Variants in ATG4C observed in about 807,000 individuals in gnomAD.
ATG4C encodes the protein autophagy related 4C cysteine peptidase.
A neutral mutation model predicts 57.6 loss-of-function variants in ATG4C; 56 were observed. The observed-to-expected ratio is 0.97, with a 90% CI of 0.78 to 1.21. ATG4C has a LOEUF of 1.21. ATG4C is among the 50% of genes most tolerant of loss of function. The pLI, the probability that ATG4C is intolerant of heterozygous loss-of-function variation, is 0.00. For missense variants in ATG4C, 595 were observed against 529.8 expected, an observed-to-expected ratio of 1.12 and a Z score of -1.21; for synonymous variants, 157 against 174.1, an observed-to-expected ratio of 0.90 and a Z score of 0.78.
At chr1:62,850,793 A>G (rs1666480798) in intron 10 of ATG4C, among the ~76,000 whole-genome samples, 1 of 146,538 alleles carries the variant, frequency 6.8e-6, no homozygotes, top group Non-Finnish European at 1.5e-5. Context: ...CTTAGCACAT[A>G]TCACTATACA....
intron 6 of ATG4C, among the ~76,000 whole-genome samples, chr1:62,825,542 T>A (rs1187608192): frequency 1.3e-5 from 2 of 152,114 alleles, no homozygotes; most frequent in South Asian, 2.1e-4. Context: ...CCTTTAGACT[T>A]CATCTCATCT....
At chr1:62,835,241 C>T (rs1665962914) in intron 9 of ATG4C, 2 of 211,692 alleles carry the variant, frequency 9.4e-6, no homozygotes, top group Non-Finnish European at 2.0e-5. Context: ...AACAAAGCGA[C>T]TTAATGCGGT....
At chr1:62,820,088 A>G (rs946844984) in intron 5 of ATG4C, among the ~76,000 whole-genome samples, 1 of 152,098 alleles carries the variant, frequency 6.6e-6, no homozygotes, top group South Asian at 2.1e-4. Context: ...ACATGCTTCT[A>G]TATTTTATAG....
At chr1:62,795,873 A>G (rs1285184516) in intron 1 of ATG4C, among the ~76,000 whole-genome samples, 1 of 151,946 alleles carries the variant, frequency 6.6e-6, no homozygotes, top group Non-Finnish European at 1.5e-5. Flanking sequence ...ATAATTTCTC[A>G]TAGTTTTTAA....
chr1:62,803,142 G>A lies in ATG4C; in HGVS notation c.-68-577G>A, dbSNP rs558727003. ...CTATTTTAAAGTAAGAACATTTTCCGTTATAAATTTAAGCCGTTCTGTTTG... is the reference window on the plus strand; with the variant it reads ...CTATTTTAAAGTAAGAACATTTTCCATTATAAATTTAAGCCGTTCTGTTTG... On this transcript the variant is annotated intron_variant, in intron 1 of 10. Coordinates refer to ENST00000317868, the MANE Select transcript of ATG4C (RefSeq NM_032852.4). Among the ~76,000 whole-genome samples the A allele has an allele frequency of 1.3e-4, 20 of 152,174 alleles. No individual in the cohort carries two copies. In the South Asian group the frequency reaches 3.5e-3, roughly 27 times the overall value.
rs757638400 is a variant in ATG4C, at chr1:62,816,649, T to C, written c.235T>C (p.Phe79Leu). The C allele has an allele frequency of 8.5e-5, 137 of 1,613,774 alleles. No individual in the cohort carries two copies. The Middle Eastern group carries it at 9.9e-4, about 12-fold the overall frequency. ...CGTAATTGCAGGAAATGTAGAAGAA[T>C]TTCGTAAAGATTTCATTTCTAGAAT... ...DHVIAGNVEE[F>L]RKDFISRIWL... The change falls in exon 4 of 11, where the codon TTT (phenylalanine) becomes CTT (leucine). Residue 79 changes from phenylalanine to leucine, a missense_variant. Physicochemically the swap from Phe to Leu is conservative, Grantham distance 22. Transcript: ENST00000317868.
chr1:62,820,165 T>G (rs7515756), intron 5 of ATG4C, among the ~76,000 whole-genome samples: 8 of 152,080 alleles, frequency 5.3e-5, no homozygotes, highest in Middle Eastern at 3.2e-3. Context: ...AATATATCAA[T>G]TCCAACTTGG....
intron 6 of ATG4C, among the ~76,000 whole-genome samples, chr1:62,822,698 A>G (rs748519162): frequency 6.6e-6 from 1 of 152,214 alleles, no homozygotes; most frequent in Non-Finnish European, 1.5e-5. Flanking sequence ...ACCAGACTCT[A>G]TCAGTGATTT....
intron 9 of ATG4C, among the ~76,000 whole-genome samples, chr1:62,837,500 G>C (rs1666033281): frequency 6.6e-6 from 1 of 152,158 alleles, no homozygotes; most frequent in Non-Finnish European, 1.5e-5. Flanking sequence ...AAGGGAGTGA[G>C]AAGAGACCTC....
intron 1 of ATG4C, among the ~76,000 whole-genome samples, chr1:62,797,153 T>A (rs2100286430): frequency 6.6e-6 from 1 of 152,154 alleles, no homozygotes; most frequent in Non-Finnish European, 1.5e-5. Flanking sequence ...CTTCTAGACA[T>A]TGTTTTATGT....
At chr1:62,839,728 G>A (rs535556774) in intron 9 of ATG4C, among the ~76,000 whole-genome samples, 64 of 152,280 alleles carry the variant, frequency 4.2e-4, no homozygotes, top group African/African-American at 1.5e-3. Flanking sequence ...GTCCAACTAA[G>A]ATTATACTTG....
Position 62,864,181 on chromosome 1 carries a change from A to G in ATG4C, c.*22A>G. The G allele has an allele frequency of 6.4e-7, 1 of 1,568,624 alleles. No homozygotes were observed. The highest frequency in any genetic ancestry group is 8.6e-7 in the Non-Finnish European group (1 of 1,163,970). On this transcript the variant is annotated 3_prime_UTR_variant, in exon 11 of 11. Transcript: ENST00000317868. ...TTAAAGATTAGCACATTTGTGCTTG[A>G]TAAGAAGAATTCCATTGAAAGGGGA...
At chr1:62,846,273 C>T (rs1433845412) in intron 10 of ATG4C, among the ~76,000 whole-genome samples, 1 of 152,132 alleles carries the variant, frequency 6.6e-6, no homozygotes, top group African/African-American at 2.4e-5. Flanking sequence ...TTCACATTGG[C>T]TTCCAGGACA....
chr1:62,819,145 A>C lies in ATG4C; in HGVS notation c.535A>C (p.Lys179Gln). The change falls in exon 5 of 11, where the codon AAG becomes CAG. Residue 179 changes from lysine to glutamine, a missense_variant. By Grantham distance (53) the Lys-to-Gln change is moderately conservative (BLOSUM62 1). Coordinates refer to ENST00000317868, the MANE Select transcript of ATG4C (RefSeq NM_032852.4). ...ATTCAAAACCCCAACAATTTCTCTG[A>C]AGGAAACAATTGGGAAATATTCTGA... ...REFKTPTISL[K>Q]ETIGKYSDDH... 6.2e-7 allele frequency: 1 copy of C among 1,613,296 alleles called. No homozygotes were observed. Among genetic ancestry groups the C allele is most frequent in the South Asian group, 1.1e-5 (1 of 90,894 alleles).
chr1:62,821,005 T>C (rs1665463050), intron 5 of ATG4C, 134 bp from the exon 6 acceptor site: 2 of 571,878 alleles, frequency 3.5e-6, no homozygotes, highest in Non-Finnish European at 6.1e-6. Flanking sequence ...CAGATAATAG[T>C]TTTTGACAGC....
chr1:62,805,375 T>G, intron 3 of ATG4C, 120 bp downstream of exon 3: 1 of 1,280,732 alleles, frequency 7.8e-7, no homozygotes, highest in Admixed American at 4.0e-5. Flanking sequence ...TTTGTATTTC[T>G]TATAGCTCAT....
chr1:62,821,590 AT>A (rs1665484831), intron 6 of ATG4C, among the ~76,000 whole-genome samples: 1 of 152,114 alleles, frequency 6.6e-6, no homozygotes, highest in South Asian at 2.1e-4. Context: ...TTTCTCACTA[AT>A]ACTTCAGTAA....
rs1308864917 is a variant in ATG4C at position 62,834,800 on chromosome 1, C to T, written c.1037C>T (p.Pro346Leu). 4.3e-6 allele frequency: 7 copies of T among 1,611,928 alleles called. No homozygotes were observed. The East Asian group carries it at 1.6e-4, about 36-fold the overall frequency. ...FQDDSLIYMDPHYCQSFVDVS... is the reference protein window; with the variant it reads ...FQDDSLIYMDLHYCQSFVDVS... ...GATGACAGTTTGATTTACATGGATC[C>T]TCATTACTGCCAATCTTTTGTAGAT... The change falls in exon 9 of 11, where the codon CCT (proline) becomes CTT (leucine). Residue 346 changes from proline (P) to leucine (L), a missense_variant. Pro to Leu is a moderately conservative substitution (Grantham distance 98). Transcript: ENST00000317868.
intron 1 of ATG4C, among the ~76,000 whole-genome samples, chr1:62,787,343 T>C (rs11208031): frequency 0.2 from 30,762 of 152,084 alleles, 3,762 homozygotes; most frequent in African/African-American, 0.33. Flanking sequence ...ATCTGTAATA[T>C]ATTAAACCAT....
Sources: gnomAD v4.1 joint callset for allele counts (sites outside exome capture counted in the v4.1 genomes callset) on GRCh38, gnomAD v4.1.1 for gene constraint, MANE v1.5 for transcripts, NCBI Gene and HGNC (gene_info 2026-07-23, HGNC 2026-07-21) for gene names.